The following USP46 variants were observed in gnomAD, a reference collection of about 807,000 sequenced individuals.
The protein encoded by USP46 is ubiquitin carboxyl-terminal hydrolase 46.
In USP46, 12 loss-of-function variants were observed where a neutral mutation model predicts 44.4. The ratio of observed to expected loss-of-function variants is 0.27; its 90% confidence interval spans 0.17 to 0.44. The LOEUF (loss-of-function observed/expected upper bound fraction) is 0.44. Ranked by LOEUF, USP46 falls within the 20% of genes least tolerant of loss-of-function variation. USP46 has a pLI of 1.00. For missense variants in USP46, 248 were observed against 444.8 expected, an observed-to-expected ratio of 0.56 and a Z score of 3.98; for synonymous variants, 155 against 161.5, an observed-to-expected ratio of 0.96 and a Z score of 0.31.
At chr4:52,644,384 T>C (rs1340977009) in intron 1 of USP46, among the ~76,000 whole-genome samples, 1 of 152,156 alleles carries the variant, frequency 6.6e-6, no homozygotes, top group Non-Finnish European at 1.5e-5. Context: ...CATGACAACA[T>C]GTCACTTCTA....
chr4:52,632,918 G>GAGAAAGAA (rs58983073), intron 1 of USP46, among the ~76,000 whole-genome samples: 1,810 of 35,022 alleles, frequency 0.052, 156 homozygotes, highest in Non-Finnish European at 0.071. Flanking sequence ...AAGAAAGAAA[G>GAGAAAGAA]AGAAAGAAAG....
At chr4:52,639,224 CTTTT>C (rs527909119) in intron 1 of USP46, among the ~76,000 whole-genome samples, 1 of 152,148 alleles carries the variant, frequency 6.6e-6, no homozygotes, top group Non-Finnish European at 1.5e-5. Flanking sequence ...TGCAATTTGA[CTTTT>C]TTTATTCTAC....
intron 2 of USP46, among the ~76,000 whole-genome samples, chr4:52,629,847 G>C (rs1391751550): frequency 1.3e-5 from 2 of 152,194 alleles, no homozygotes; most frequent in African/African-American, 4.8e-5. Flanking sequence ...GGCTCAGAGA[G>C]TGCAAGTGAC....
chr4:52,646,781 C>T (rs980038505), intron 1 of USP46, among the ~76,000 whole-genome samples: 18 of 152,130 alleles, frequency 1.2e-4, no homozygotes, highest in African/African-American at 4.1e-4. Flanking sequence ...ATGTGAATAG[C>T]TGCTGAAGCT....
chr4:52,649,589 G>A (rs187210035), intron 1 of USP46, among the ~76,000 whole-genome samples: 13 of 152,314 alleles, frequency 8.5e-5, no homozygotes, highest in Non-Finnish European at 1.3e-4. Flanking sequence ...TGCCCCAGAC[G>A]TGCTGAATCC....
chr4:52,615,068 A>G (rs1717072873), intron 4 of USP46, among the ~76,000 whole-genome samples: 1 of 152,144 alleles, frequency 6.6e-6, no homozygotes, highest in Admixed American at 6.5e-5. Context: ...GGAATTATAA[A>G]AATATATTCA....
chr4:52,627,005 G>T (rs1411196987), intron 3 of USP46, among the ~76,000 whole-genome samples: 1 of 152,200 alleles, frequency 6.6e-6, no homozygotes. Context: ...AAACACAGAA[G>T]GGAGATGAGG....
intron 1 of USP46, among the ~76,000 whole-genome samples, chr4:52,640,373 T>C (rs549623130): frequency 3.3e-5 from 5 of 152,220 alleles, no homozygotes; most frequent in African/African-American, 1.2e-4. Flanking sequence ...TTAATGGAAA[T>C]TTTTGAAAGA....
At chr4:52,626,470 T>C (rs1307047018) in intron 3 of USP46, among the ~76,000 whole-genome samples, 1 of 152,036 alleles carries the variant, frequency 6.6e-6, no homozygotes, top group Non-Finnish European at 1.5e-5. Context: ...TACAGGTGCA[T>C]GCCACCACAC....
intron 1 of USP46, among the ~76,000 whole-genome samples, chr4:52,635,862 A>G (rs1210385739): frequency 6.6e-6 from 1 of 152,154 alleles, no homozygotes; most frequent in African/African-American, 2.4e-5. Flanking sequence ...GTTTCAAACA[A>G]GCTGGTGGTG....
chr4:52,633,000 A>G lies in USP46; in HGVS notation c.37-1856T>C, dbSNP rs1211672409. Among the ~76,000 whole-genome samples the G allele has an allele frequency of 4.9e-3, 609 of 124,642 alleles. 19 individuals are homozygous for G. The highest frequency in any genetic ancestry group is 0.02 in the African/African-American group (565 of 28,366). 81.8% of individuals were successfully genotyped at this position (124,642 alleles called of 152,430 possible). A position where few individuals can be genotyped will look rare whatever the true frequency, so the allele number is the denominator to read the frequency against. On this transcript the variant is annotated intron_variant, in intron 1 of 8. Transcript: ENST00000441222. The stretch of plus-strand genomic sequence containing the variant: ...AGAAAGAAAGAAAAGAAAAGAAAGA[A>G]AGAAAGAAAGAAAGAAAGAAAGAAA...
chr4:52,621,172 T>G (rs1044258859), intron 4 of USP46, among the ~76,000 whole-genome samples: 2 of 152,118 alleles, frequency 1.3e-5, no homozygotes, highest in Non-Finnish European at 2.9e-5. Flanking sequence ...GAGAACTAAT[T>G]TTACAGAATG....
At chr4:52,632,950 A>AAGAAAGAAAG (rs1717913562) in intron 1 of USP46, among the ~76,000 whole-genome samples, 1 of 75,566 alleles carries the variant, frequency 1.3e-5, no homozygotes, top group African/African-American at 6.7e-5. Context: ...GAAAGAAAGA[A>AAGAAAGAAAG]AGAAAGAAAG....
chr4:52,594,209 A>C lies in USP46; in HGVS notation c.*3431T>G, dbSNP rs956837389. The C allele has an allele frequency of 6.6e-6, 1 of 152,210 alleles. No individual in the cohort carries two copies. Among genetic ancestry groups the C allele is most frequent in the African/African-American group, 2.4e-5 (1 of 41,448 alleles). The allele number at this position is 152,210 out of a possible 1,614,324, so 9.4% of individuals were successfully genotyped here. On this transcript the variant is annotated 3_prime_UTR_variant, in exon 9 of 9. Transcript: ENST00000441222. Reference sequence around the variant, plus strand: ...ATTCATTTATTTATTTTTTGCAAACAATTTTAGAGGCAGGGTGTTAAACTG... The same window carrying C: ...ATTCATTTATTTATTTTTTGCAAACCATTTTAGAGGCAGGGTGTTAAACTG...
intron 1 of USP46, among the ~76,000 whole-genome samples, chr4:52,655,137 C>T (rs1205585740): frequency 6.6e-6 from 1 of 152,160 alleles, no homozygotes; most frequent in Non-Finnish European, 1.5e-5. Context: ...TTTGAAATGT[C>T]CTGTTGTGTT....
intron 1 of USP46, among the ~76,000 whole-genome samples, chr4:52,641,452 C>T (rs1718338085): frequency 6.6e-6 from 1 of 152,104 alleles, no homozygotes; most frequent in Admixed American, 6.5e-5. Flanking sequence ...AACAAAATCC[C>T]AGGAAGGATG....
At chr4:52,605,082 C>T (rs1400558463) in intron 5 of USP46, among the ~76,000 whole-genome samples, 1 of 152,106 alleles carries the variant, frequency 6.6e-6, no homozygotes, top group Non-Finnish European at 1.5e-5. Flanking sequence ...TCTGGTAGTC[C>T]ATATTTTCAA....
chr4:52,597,850 T>C (rs1716307092), intron 8 of USP46, 109 bp from the exon 9 acceptor site: 3 of 818,036 alleles, frequency 3.7e-6, no homozygotes, highest in Non-Finnish European at 5.6e-6. Flanking sequence ...CAATTTGTTA[T>C]GAAATCATCA....
At chr4:52,607,358 G>A (rs1184874477) in intron 5 of USP46, among the ~76,000 whole-genome samples, 1 of 152,126 alleles carries the variant, frequency 6.6e-6, no homozygotes, top group African/African-American at 2.4e-5. Flanking sequence ...ATACCTGTTG[G>A]AACAAAAGTG....
Sources: gnomAD v4.1 joint callset for allele counts (sites outside exome capture counted in the v4.1 genomes callset) on GRCh38, gnomAD v4.1.1 for gene constraint, MANE v1.5 for transcripts, NCBI Gene and HGNC (gene_info 2026-07-23, HGNC 2026-07-21) for gene names.